KDM2B: variants seen among roughly 807,000 people sequenced by gnomAD.
KDM2B encodes lysine-specific demethylase 2B.
Under a neutral mutation model 150.0 loss-of-function variants are expected in KDM2B, and 26 were observed. That is an observed-to-expected ratio of 0.17 (90% CI 0.13 to 0.24). The LOEUF is 0.24. KDM2B is among the 10% of genes least tolerant of loss of function. The probability of loss-of-function intolerance (pLI) is 1.00; values close to 1 mark genes in which losing one functional copy is unlikely to be tolerated. For synonymous variants in KDM2B, 734 were observed against 729.5 expected, an observed-to-expected ratio of 1.01 and a Z score of -0.10; for missense variants, 1,265 against 1,816.9, an observed-to-expected ratio of 0.70 and a Z score of 5.52.
intron 9 of KDM2B, among the ~76,000 whole-genome samples, chr12:121,519,063 C>G (rs1281647128): frequency 1.3e-5 from 2 of 152,106 alleles, no homozygotes; most frequent in African/African-American, 4.8e-5. Context: ...TCCCATGGAG[C>G]CCCAGCCCAG....
At chr12:121,488,088 A>G (rs1301472967) in intron 12 of KDM2B, among the ~76,000 whole-genome samples, 28 of 152,058 alleles carry the variant, frequency 1.8e-4, no homozygotes, top group Non-Finnish European at 2.9e-5. Flanking sequence ...TAGCTAAAGC[A>G]GCTTCTTAAA....
In KDM2B at chr12:121,537,866, A is replaced by C. The variant is rs565848822; in HGVS notation, c.684-3276T>G. Reference sequence around the variant, plus strand: ...GAGGCCACCCACACCCGCCCCGCGCAGCGCCACAAAGGAGGGGGCGCCCGG... The same window carrying C: ...GAGGCCACCCACACCCGCCCCGCGCCGCGCCACAAAGGAGGGGGCGCCCGG... On this transcript the variant is annotated intron_variant, in intron 6 of 22. Coordinates refer to ENST00000377071, the MANE Select transcript of KDM2B (RefSeq NM_032590.5). This position sits in a 1 kb window ranked among gnomAD's most constrained non-coding sequence, Gnocchi z 8.7. Among the ~76,000 whole-genome samples, 104 of 151,506 alleles carry C rather than the reference A, an allele frequency of 6.9e-4. No homozygotes were observed. Among genetic ancestry groups the C allele is most frequent in the African/African-American group, 2.3e-3 (97 of 41,380 alleles).
chr12:121,448,763 C>A, intron 13 of KDM2B, among the ~76,000 whole-genome samples: 1 of 152,230 alleles, frequency 6.6e-6, no homozygotes, highest in East Asian at 1.9e-4. Flanking sequence ...ATACCAAACA[C>A]ACATCTGCCA....
the KDM2B span, among the ~76,000 whole-genome samples, chr12:121,410,545 CAAA>C: frequency 7.3e-5 from 10 of 137,756 alleles, no homozygotes; most frequent in South Asian, 2.3e-4. Flanking sequence ...TCAAAACCAC[CAAA>C]AAAAAAAAAA....
intron 12 of KDM2B, among the ~76,000 whole-genome samples, chr12:121,471,162 T>G (rs151024667): frequency 8.5e-5 from 13 of 152,308 alleles, no homozygotes; most frequent in African/African-American, 3.1e-4. Context: ...AAATTTAGCA[T>G]GTACACTGTG....
Position 121,442,889 on chromosome 12 carries a change from C to A in KDM2B, c.2605-53G>T. 6.5e-7 allele frequency: 1 copy of A among 1,547,820 alleles called. No individual in the cohort carries two copies. Among genetic ancestry groups the A allele is most frequent in the Non-Finnish European group, 8.7e-7 (1 of 1,150,356 alleles). On this transcript the variant is annotated intron_variant, in intron 18 of 22. Transcript: ENST00000377071. This position sits in a 1 kb window ranked among gnomAD's most constrained non-coding sequence, Gnocchi z 7.7. ...CCTCTGGGGCTCAGGGCTGCGCCCG[C>A]CCAAGGCCTCCCGCCCCCCTGCCAC...
intron 21 of KDM2B, 181 bp downstream of exon 21, chr12:121,440,635 G>T: frequency 1.6e-6 from 1 of 607,660 alleles, no homozygotes; most frequent in Non-Finnish European, 2.9e-6. Flanking sequence ...AGTCTCACGT[G>T]TGCACAGGAG....
At chr12:121,451,119 T>TA (rs1335838409) in intron 13 of KDM2B, among the ~76,000 whole-genome samples, 1 of 151,944 alleles carries the variant, frequency 6.6e-6, no homozygotes, top group Admixed American at 6.6e-5. Flanking sequence ...CCCCCCCTTC[T>TA]ACCTCCTCCA....
intron 12 of KDM2B, among the ~76,000 whole-genome samples, chr12:121,488,953 C>T (rs907284320): frequency 1.5e-4 from 23 of 152,104 alleles, no homozygotes; most frequent in Admixed American, 2.0e-4. Flanking sequence ...GGATTACAGG[C>T]GTACACCACC....
intron 4 of KDM2B, among the ~76,000 whole-genome samples, chr12:121,563,605 A>C (rs61952201): frequency 6.9e-6 from 1 of 144,912 alleles, no homozygotes; most frequent in Non-Finnish European, 1.5e-5. Context: ...AGACTCTGCC[A>C]AAAAAAAAAG....
intron 12 of KDM2B, among the ~76,000 whole-genome samples, chr12:121,479,466 C>CAAA (rs368195967): frequency 8.9e-4 from 125 of 139,694 alleles, no homozygotes; most frequent in African/African-American, 3.1e-3. Flanking sequence ...GACCCTGTCT[C>CAAA]AAAAAAAAAA....
the KDM2B span, among the ~76,000 whole-genome samples, chr12:121,408,574 C>T: frequency 6.6e-6 from 1 of 152,126 alleles, no homozygotes; most frequent in Non-Finnish European, 1.5e-5. Flanking sequence ...GTAGAGATGC[C>T]TTTGCCCTGA....
chr12:121,565,932 A>ATTT (rs78576604), intron 4 of KDM2B, among the ~76,000 whole-genome samples: 2 of 143,630 alleles, frequency 1.4e-5, no homozygotes, highest in African/African-American at 5.1e-5. Context: ...CGGCCCAGGA[A>ATTT]TTTTTTTTTT....
downstream of KDM2B, among the ~76,000 whole-genome samples, chr12:121,425,162 G>C (rs563503408): frequency 9.3e-4 from 141 of 152,138 alleles, no homozygotes; most frequent in African/African-American, 3.3e-3. Flanking sequence ...ACGAAAATTA[G>C]CTGGGCATGG....
intron 2 of KDM2B, among the ~76,000 whole-genome samples, chr12:121,576,100 C>T (rs1374142010): frequency 6.6e-6 from 1 of 152,124 alleles, no homozygotes; most frequent in Non-Finnish European, 1.5e-5. Flanking sequence ...TCTCGGCATG[C>T]CCCACCGGTC....
Position 121,452,831 on chromosome 12 carries a change from G to A in KDM2B, c.1959+289C>T, listed in dbSNP as rs1394965549. On this transcript the variant is annotated intron_variant, in intron 13 of 22. Coordinates refer to ENST00000377071, the MANE Select transcript of KDM2B (RefSeq NM_032590.5). The surrounding 1 kb of genome is among the most constrained non-coding windows in gnomAD (Gnocchi z 4.4). ...AGGAAGGAAGGAAGGGCCCAGAACC[G>A]TCACCCAGAACCGTAATGTTGGCAA... Among the ~76,000 whole-genome samples the A allele has an allele frequency of 6.6e-6, 1 of 152,200 alleles. No homozygotes were observed. Among genetic ancestry groups the A allele is most frequent in the African/African-American group, 2.4e-5 (1 of 41,460 alleles).
At chr12:121,446,942 C>T (rs1243663765) in intron 13 of KDM2B, among the ~76,000 whole-genome samples, 1 of 152,154 alleles carries the variant, frequency 6.6e-6, no homozygotes, top group East Asian at 1.9e-4. Context: ...CATGGTGTTA[C>T]AACATCATGC....
chr12:121,464,263 T>C (rs1257464663), intron 12 of KDM2B, among the ~76,000 whole-genome samples: 1 of 152,182 alleles, frequency 6.6e-6, no homozygotes, highest in Non-Finnish European at 1.5e-5. Context: ...ACAAGAATTC[T>C]TCTAAAAGCC....
At chr12:121,506,974 G>A (rs1285534658) in intron 11 of KDM2B, among the ~76,000 whole-genome samples, 1 of 151,896 alleles carries the variant, frequency 6.6e-6, no homozygotes, top group East Asian at 1.9e-4. Flanking sequence ...GCGGGCACCT[G>A]TAGTCCCAGC....
Sources: allele counts gnomAD v4.1 joint callset (sites outside exome capture counted in the v4.1 genomes callset), GRCh38; gene constraint gnomAD v4.1.1; non-coding constraint Gnocchi (gnomAD v3.1); transcripts MANE v1.5; gene names NCBI Gene and HGNC (gene_info 2026-07-23, HGNC 2026-07-21).